ARHGEF6: variants seen among roughly 807,000 people sequenced by gnomAD.
ARHGEF6 encodes Rac/Cdc42 guanine nucleotide exchange factor 6.
ARHGEF6 carries 9 observed loss-of-function variants against 70.3 expected under a neutral mutation model. That is an observed-to-expected ratio of 0.13 (90% CI 0.08 to 0.22). The LOEUF is 0.22. ARHGEF6 is among the 10% of genes least tolerant of loss of function. ARHGEF6 has a pLI of 1.00. For synonymous variants in ARHGEF6, 201 were observed against 207.8 expected, an observed-to-expected ratio of 0.97 and a Z score of 0.28; for missense variants, 470 against 563.0, an observed-to-expected ratio of 0.83 and a Z score of 1.67.
intron 9 of ARHGEF6, among the ~76,000 whole-genome samples, chrX:136,695,345 A>G (rs1205941482): frequency 8.9e-6 from 1 of 112,749 alleles, no homozygotes; most frequent in African/African-American, 3.2e-5. Context: ...TAAAATTCTC[A>G]AAAACACCGT....
chrX:136,694,253 A>G (rs967773310), intron 9 of ARHGEF6, among the ~76,000 whole-genome samples: 8 of 110,931 alleles, frequency 7.2e-5, no homozygotes, highest in African/African-American at 2.6e-4. Context: ...GGGTTTCACT[A>G]TATTGGCCAG....
In ARHGEF6 at chrX:136,780,835, A is replaced by G; in HGVS notation, c.48T>C (p.Val16=). 1 of 1,211,396 alleles carries G rather than the reference A, an allele frequency of 8.3e-7. No homozygotes were observed. The highest frequency in any genetic ancestry group is 1.1e-6 in the Non-Finnish European group (1 of 895,391). ...AGATGGTCTTTTTAGGGGACTCTAA[A>G]ACTCCCAAAGATATAAGCCATGTCA... ...QIVTWLISLG[V]LESPKKTICD... The change falls in exon 1 of 22, where the codon GTT becomes GTC. Residue 16 remains valine (V), a synonymous_variant. Transcript: ENST00000250617.
intron 3 of ARHGEF6, 98 bp from the exon 4 acceptor site, chrX:136,745,445 C>T: frequency 9.6e-7 from 1 of 1,039,117 alleles, no homozygotes; most frequent in South Asian, 1.9e-5. Flanking sequence ...CAGAGGCATC[C>T]TGGCTGTAAT....
chrX:136,768,159 C>T (rs1200973162), intron 2 of ARHGEF6, among the ~76,000 whole-genome samples: 2 of 111,818 alleles, frequency 1.8e-5, no homozygotes, highest in Admixed American at 1.9e-4. Context: ...TACCACCCTT[C>T]CTCCAACTAT....
chrX:136,778,805 G>C (rs1245719680), intron 2 of ARHGEF6, among the ~76,000 whole-genome samples: 1 of 111,809 alleles, frequency 8.9e-6, no homozygotes, highest in Non-Finnish European at 1.9e-5. Flanking sequence ...GCAATCCCAT[G>C]AGTTGGCTAT....
At chrX:136,762,489 C>A (rs974653917) in intron 2 of ARHGEF6, among the ~76,000 whole-genome samples, 2 of 111,053 alleles carry the variant, frequency 1.8e-5, no homozygotes, top group Non-Finnish European at 3.8e-5. Flanking sequence ...TAGGAAGAGG[C>A]ATATACTTTT....
intron 7 of ARHGEF6, among the ~76,000 whole-genome samples, chrX:136,710,628 G>C (rs1033152935): frequency 2.7e-5 from 3 of 109,551 alleles, no homozygotes; most frequent in African/African-American, 1.0e-4. Flanking sequence ...GCCCCTTCAC[G>C]ATCAGATAAT....
At chrX:136,757,642 C>T (rs1006000633) in intron 2 of ARHGEF6, among the ~76,000 whole-genome samples, 13 of 111,808 alleles carry the variant, frequency 1.2e-4, no homozygotes, top group South Asian at 3.7e-4. Flanking sequence ...CCAAACACTA[C>T]GCCTCAGTAC....
chrX:136,765,648 C>A (rs634433), intron 2 of ARHGEF6, among the ~76,000 whole-genome samples: 29,733 of 111,917 alleles, frequency 0.27, 3,008 homozygotes, highest in East Asian at 0.62. Context: ...AAATGTGCCA[C>A]ATAAAACACT....
At chrX:136,740,190 G>A (rs1012069750) in intron 5 of ARHGEF6, among the ~76,000 whole-genome samples, 3 of 110,749 alleles carry the variant, frequency 2.7e-5, no homozygotes, top group African/African-American at 6.6e-5. Context: ...TGTATTTTTA[G>A]TAGAGATGGT....
chrX:136,682,951 A>G (rs2076347636), intron 12 of ARHGEF6, 107 bp from the exon 13 acceptor site: 2 of 619,313 alleles, frequency 3.2e-6, no homozygotes, highest in South Asian at 5.4e-5. Flanking sequence ...AAACAACTGA[A>G]ACATTAACGG....
intron 2 of ARHGEF6, among the ~76,000 whole-genome samples, chrX:136,760,028 T>C (rs773298266): frequency 8.9e-6 from 1 of 112,315 alleles, no homozygotes; most frequent in Non-Finnish European, 1.9e-5. Flanking sequence ...TGCCAGGGTA[T>C]GACAAAGCCT....
chrX:136,758,031 C>CTTTTTTTTTTTTTTTTTTTTTTTTTTTTT (rs1164537601), intron 2 of ARHGEF6, among the ~76,000 whole-genome samples: 1 of 14,032 alleles, frequency 7.1e-5, no homozygotes, highest in African/African-American at 2.9e-4. Flanking sequence ...AAAATAAATT[C>CTTTTTTTTTTTTTTTTTTTTTTTTTTTTT]TTTTTTTTTT....
chrX:136,739,625 C>T (rs749445510), intron 5 of ARHGEF6, among the ~76,000 whole-genome samples: 26 of 111,844 alleles, frequency 2.3e-4, no homozygotes, highest in Non-Finnish European at 4.1e-4. Context: ...TTATGTTAGA[C>T]GGGGAAAAAT....
In ARHGEF6 at chrX:136,666,058, G is replaced by A. The variant is rs191199450; in HGVS notation, c.*1971C>T. ...GTGAAGATCTGTGTTGATGTTGTTG[G>A]TGGTGGTGGTAGTACTGATGTTTTT... On this transcript the variant is annotated 3_prime_UTR_variant, in exon 22 of 22. Coordinates refer to ENST00000250617, the MANE Select transcript of ARHGEF6 (RefSeq NM_004840.3). The A allele has an allele frequency of 8.9e-6, 1 of 112,698 alleles. No homozygotes were observed. Among genetic ancestry groups the A allele is most frequent in the African/African-American group, 3.2e-5 (1 of 30,975 alleles). The allele number at this position is 112,698 out of a possible 1,213,427, so 9.3% of individuals were successfully genotyped here.
chrX:136,724,382 C>T (rs1489717165), intron 6 of ARHGEF6, among the ~76,000 whole-genome samples: 1 of 111,802 alleles, frequency 8.9e-6, no homozygotes, highest in Non-Finnish European at 1.9e-5. Flanking sequence ...CTGGCCTGTT[C>T]ACACTTTTCT....
chrX:136,674,237 C>T (rs908479138), intron 19 of ARHGEF6, among the ~76,000 whole-genome samples: 23 of 112,240 alleles, frequency 2.0e-4, no homozygotes, highest in African/African-American at 7.5e-4. Context: ...TAAGAAATCC[C>T]CTCCCACATT....
At chrX:136,741,663 T>A (rs2077044335) in intron 5 of ARHGEF6, among the ~76,000 whole-genome samples, 1 of 111,036 alleles carries the variant, frequency 9.0e-6, no homozygotes, top group African/African-American at 3.3e-5. Flanking sequence ...ATGATCCTAC[T>A]GCCTTTAAGG....
chrX:136,727,342 TTTC>T (rs2076867912), intron 6 of ARHGEF6, among the ~76,000 whole-genome samples: 1 of 38,705 alleles, frequency 2.6e-5, no homozygotes, highest in African/African-American at 1.3e-4. Context: ...TCTTTCTTTC[TTTC>T]TTTCTTTCTT....
Sources: gnomAD v4.1 joint callset for allele counts (sites outside exome capture counted in the v4.1 genomes callset) on GRCh38, gnomAD v4.1.1 for gene constraint, MANE v1.5 for transcripts, NCBI Gene and HGNC (gene_info 2026-07-23, HGNC 2026-07-21) for gene names.